The following FMN1 variants were observed in gnomAD, a reference collection of about 807,000 sequenced individuals.
FMN1 encodes formin-1.
FMN1 carries 110 observed loss-of-function variants against 132.4 expected under a neutral mutation model. The ratio of observed to expected loss-of-function variants is 0.83; its 90% CI spans 0.71 to 0.97. The LOEUF is 0.97. Ranked by LOEUF, FMN1 falls within the 50% of genes least tolerant of loss-of-function variation. The pLI, the probability that FMN1 is intolerant of heterozygous loss-of-function variation, is 0.00. For synonymous variants in FMN1, 722 were observed against 651.7 expected (o/e 1.11, Z -1.64); for missense variants, 1,792 against 1,705.3 (o/e 1.05, Z -0.90).
intron 17 of FMN1, among the ~76,000 whole-genome samples, chr15:32,827,247 C>T (rs529929113): frequency 6.6e-6 from 1 of 152,310 alleles, no homozygotes; most frequent in South Asian, 2.1e-4. Flanking sequence ...CCAGCTTAAA[C>T]TGTCATTTAT....
intron 7 of FMN1, among the ~76,000 whole-genome samples, chr15:32,986,263 A>C (rs563913246): frequency 6.6e-6 from 1 of 152,280 alleles, no homozygotes; most frequent in African/African-American, 2.4e-5. Context: ...ACAGTGTACA[A>C]ATGATAAAGT....
intron 7 of FMN1, chr15:32,970,750 A>C (rs999032365): frequency 6.6e-6 from 1 of 152,020 alleles, no homozygotes; most frequent in Non-Finnish European, 1.5e-5. Context: ...TGCATAGTTC[A>C]GCAGATTGAA....
At position 33,120,164 on chromosome 15, in the gene FMN1, G is replaced by A. The variant is rs554570557; in HGVS notation, c.1868-31190C>T. Among the ~76,000 whole-genome samples the A allele has an allele frequency of 2.9e-4, 44 of 152,318 alleles. No homozygotes were observed. The South Asian group carries it at 5.2e-3, about 18-fold the overall frequency. On this transcript the variant is annotated intron_variant, in intron 4 of 20. Transcript: ENST00000616417. Reference sequence around the variant, plus strand: ...CAAGTGACCAATGGAGAGCAGCATAGTGAAATGAAAATTGTTTTTCACTTC... The same window carrying A: ...CAAGTGACCAATGGAGAGCAGCATAATGAAATGAAAATTGTTTTTCACTTC...
intron 7 of FMN1, among the ~76,000 whole-genome samples, chr15:33,001,034 G>T (rs1197098671): frequency 6.6e-6 from 1 of 152,190 alleles, no homozygotes; most frequent in Non-Finnish European, 1.5e-5. Context: ...TGTAATCCCA[G>T]CACTTTGGGA....
In FMN1 at chr15:32,969,080, GA is replaced by G. The variant is rs1567482145; in HGVS notation, c.2620del (p.Ser874ProfsTer24). The G allele has an allele frequency of 6.3e-7, 1 of 1,598,396 alleles. No individual in the cohort carries two copies. Reference sequence around the variant, plus strand: ...GGGGAGGGGCGGAGGGGGAGGGATGGATGCGGGAGGCGGAGGCAATGCCTTC... The same window carrying G: ...GGGGAGGGGCGGAGGGGGAGGGATGGTGCGGGAGGCGGAGGCAATGCCTTC... ...QQKALPPPPA[S>X]IPPPPPLPSG... On this transcript the variant is annotated frameshift_variant, in exon 8 of 21. Transcript: ENST00000616417. LOFTEE classifies it high-confidence loss of function.
intron 19 of FMN1, among the ~76,000 whole-genome samples, chr15:32,794,562 A>G (rs568672861): frequency 6.6e-6 from 1 of 150,596 alleles, no homozygotes; most frequent in African/African-American, 2.4e-5. Flanking sequence ...AGAATAATTC[A>G]GCAGCCAAAA....
At chr15:32,903,392 CA>C (rs1378739851) in intron 12 of FMN1, among the ~76,000 whole-genome samples, 8 of 152,126 alleles carry the variant, frequency 5.3e-5, no homozygotes, top group Non-Finnish European at 7.4e-5. Context: ...TGACTGAAAT[CA>C]GGGGTATCAT....
At chr15:32,912,672 A>C (rs2060590767) in intron 10 of FMN1, among the ~76,000 whole-genome samples, 2 of 152,150 alleles carry the variant, frequency 1.3e-5, no homozygotes. Context: ...ATCTTGGAGA[A>C]TAACGTCCCA....
intron 8 of FMN1, among the ~76,000 whole-genome samples, chr15:32,965,102 T>C (rs1398958789): frequency 6.6e-6 from 1 of 152,160 alleles, no homozygotes; most frequent in African/African-American, 2.4e-5. Flanking sequence ...TTTCAAACAC[T>C]ATTAATGTTT....
chr15:32,859,398 T>C (rs897635584), intron 16 of FMN1, among the ~76,000 whole-genome samples: 1 of 152,214 alleles, frequency 6.6e-6, no homozygotes, highest in Non-Finnish European at 1.5e-5. Context: ...CCAAAGCTGT[T>C]CAATGTTTTC....
intron 16 of FMN1, among the ~76,000 whole-genome samples, chr15:32,884,449 C>T (rs1355185598): frequency 3.3e-5 from 5 of 152,144 alleles, no homozygotes; most frequent in Non-Finnish European, 7.3e-5. Context: ...CGTTTAAAGA[C>T]TGACTTTAAA....
chr15:33,034,356 C>A (rs2036091092), intron 6 of FMN1, among the ~76,000 whole-genome samples: 1 of 152,088 alleles, frequency 6.6e-6, no homozygotes, highest in Non-Finnish European at 1.5e-5. Flanking sequence ...AGGAAGACTG[C>A]TTGAGCCTAG....
intron 2 of FMN1, among the ~76,000 whole-genome samples, chr15:33,182,287 G>A (rs1965731231): frequency 6.6e-6 from 1 of 152,156 alleles, no homozygotes; most frequent in African/African-American, 2.4e-5. Context: ...AGAAATGGGT[G>A]AAAATCTTAC....
At chr15:32,981,408 C>T (rs191332328) in intron 7 of FMN1, among the ~76,000 whole-genome samples, 2,061 of 151,732 alleles carry the variant, frequency 0.014, 44 homozygotes, top group African/African-American at 0.047. Flanking sequence ...GTCCCAGCTA[C>T]TCGGGAGGCT....
chr15:33,154,793 T>C lies in FMN1; in HGVS notation c.122A>G (p.Asp41Gly). The C allele has an allele frequency of 2.0e-6, 3 of 1,536,110 alleles. No homozygotes were observed. In the South Asian group the frequency reaches 3.6e-5, roughly 18 times the overall value. The change falls in exon 4 of 21, where the codon GAC becomes GGC. Residue 41 changes from aspartate (D) to glycine (G), a missense_variant. Physicochemically the swap from Asp to Gly is moderately conservative, Grantham distance 94. This residue lies in a region of FMN1 where 638 missense variants were observed against 645.2 expected (regional missense o/e 0.99). Transcript: ENST00000616417. ...GFSYKGTVTL[D>G]RSNKGFHNCY... ...GTTATGAAAACCTTTATTGGATCTG[T>C]CTAGAGTTACAGTGCCCTTGTATGA...
chr15:33,113,305 A>G (rs2039783433), intron 4 of FMN1, among the ~76,000 whole-genome samples: 1 of 152,190 alleles, frequency 6.6e-6, no homozygotes, highest in African/African-American at 2.4e-5. Flanking sequence ...GAGTGTTGCC[A>G]TGTATTTGTA....
chr15:33,116,322 C>CA (rs2039924222), intron 4 of FMN1, among the ~76,000 whole-genome samples: 1 of 152,180 alleles, frequency 6.6e-6, no homozygotes, highest in South Asian at 2.1e-4. Context: ...CATCCAAGGA[C>CA]AAGCTTTGGA....
chr15:32,914,925 A>G (rs2060648644), intron 10 of FMN1, among the ~76,000 whole-genome samples: 1 of 152,242 alleles, frequency 6.6e-6, no homozygotes, highest in African/African-American at 2.4e-5. Context: ...AAGGACAGGT[A>G]AAAGAAGTAG....
chr15:32,783,155 CA>C (rs972634202), intron 19 of FMN1, among the ~76,000 whole-genome samples: 130 of 147,794 alleles, frequency 8.8e-4, no homozygotes, highest in African/African-American at 3.1e-3. Context: ...TTGATAAAAA[CA>C]AAAAAAAATA....
Sources: gnomAD v4.1 joint callset for allele counts (sites outside exome capture counted in the v4.1 genomes callset) on GRCh38, gnomAD v4.1.1 for gene constraint, gnomAD v4.1.1 regional missense constraint, MANE v1.5 for transcripts, NCBI Gene and HGNC (gene_info 2026-07-23, HGNC 2026-07-21) for gene names.